The following LRRC37A2 variants were observed in gnomAD, a reference collection of about 807,000 sequenced individuals.
LRRC37A2 encodes leucine-rich repeat-containing protein 37A2.
A neutral mutation model predicts 68.8 loss-of-function variants in LRRC37A2; 9 were observed. That is an observed-to-expected ratio of 0.13 (90% CI 0.08 to 0.23). The LOEUF is 0.23. Ranked by LOEUF, LRRC37A2 falls within the 10% of genes least tolerant of loss-of-function variation. The pLI is 1.00. For synonymous variants in LRRC37A2, 63 were observed against 367.6 expected (o/e 0.17, Z 9.48); for missense variants, 168 against 950.4 (o/e 0.18, Z 10.82).
At chr17:46,865,840 A>G in the LRRC37A2 span, among the ~76,000 whole-genome samples, 1 of 152,074 alleles carries the variant, frequency 6.6e-6, no homozygotes, top group Non-Finnish European at 1.5e-5. Context: ...TTGAACTCCT[A>G]GGCTCAAGTG....
the LRRC37A2 span, among the ~76,000 whole-genome samples, chr17:46,980,649 T>C: frequency 2.9e-3 from 273 of 93,244 alleles, no homozygotes; most frequent in South Asian, 5.5e-3. Flanking sequence ...CGTGAAACCC[T>C]GTCTCTACTA....
the LRRC37A2 span, among the ~76,000 whole-genome samples, chr17:47,023,414 C>T: frequency 2.6e-5 from 4 of 152,274 alleles, no homozygotes; most frequent in East Asian, 1.9e-4. Flanking sequence ...ATGCTAGGCA[C>T]GGTGGCTCAC....
At chr17:46,472,896 C>A in the LRRC37A2 span, among the ~76,000 whole-genome samples, 1 of 57,828 alleles carries the variant, frequency 1.7e-5, no homozygotes. Flanking sequence ...GCCTGGGCAA[C>A]AGAGTGAGAC....
the LRRC37A2 span, among the ~76,000 whole-genome samples, chr17:46,622,318 C>T: frequency 2.5e-4 from 37 of 148,302 alleles, 1 homozygote; most frequent in African/African-American, 8.1e-4. Context: ...ATTAGCCAGG[C>T]GTGGTGGTGG....
At chr17:46,541,406 C>T (rs1386210265) in intron 8 of LRRC37A2, among the ~76,000 whole-genome samples, 2 of 148,048 alleles carry the variant, frequency 1.4e-5, no homozygotes, top group Non-Finnish European at 2.9e-5. Context: ...CGCATGCCAC[C>T]ACACCTGGCT....
At chr17:46,841,892 GGT>G in the LRRC37A2 span, among the ~76,000 whole-genome samples, 225 of 152,342 alleles carry the variant, frequency 1.5e-3, no homozygotes, top group African/African-American at 5.3e-3. Flanking sequence ...GCTCCTCTGC[GGT>G]GTGTGGGGGG....
At chr17:46,763,405 G>C in the LRRC37A2 span, 1 of 152,186 alleles carries the variant, frequency 6.6e-6, no homozygotes, top group Non-Finnish European at 1.5e-5. Flanking sequence ...TTCTAATCCA[G>C]ATCCTTGGGA....
At chr17:46,851,643 G>A in the LRRC37A2 span, 1 of 1,275,760 alleles carries the variant, frequency 7.8e-7, no homozygotes, top group Non-Finnish European at 9.8e-7. The surrounding 1 kb of genome is among the most constrained non-coding windows in gnomAD (Gnocchi z 4.3). Context: ...AGCACCATGC[G>A]CCCCCCGCCC....
the LRRC37A2 span, among the ~76,000 whole-genome samples, chr17:47,026,605 T>G: frequency 2.9e-4 from 44 of 152,180 alleles, 1 homozygote; most frequent in African/African-American, 9.9e-4. Flanking sequence ...AGACTAGAGA[T>G]GGAGACATCA....
At chr17:46,759,940 C>T in the LRRC37A2 span, among the ~76,000 whole-genome samples, 1 of 152,180 alleles carries the variant, frequency 6.6e-6, no homozygotes, top group African/African-American at 2.4e-5. Flanking sequence ...ACTACATGTT[C>T]AAGCACAGCT....
intron 6 of LRRC37A2, among the ~76,000 whole-genome samples, chr17:46,525,602 T>TAATA (rs1346950818): frequency 0.028 from 2,844 of 100,620 alleles, 79 homozygotes; most frequent in African/African-American, 0.059. Context: ...ATAATAATAA[T>TAATA]ATAATAATAA....
chr17:47,023,545 G>C, the LRRC37A2 span, among the ~76,000 whole-genome samples: 1 of 152,196 alleles, frequency 6.6e-6, no homozygotes, highest in Non-Finnish European at 1.5e-5. Flanking sequence ...GCCAGGTGTG[G>C]TGGTGGGTGC....
chr17:46,498,945 T>C, the LRRC37A2 span, among the ~76,000 whole-genome samples: 1 of 150,744 alleles, frequency 6.6e-6, no homozygotes. Context: ...TAATGGTAGC[T>C]ATTTTATGGA....
chr17:46,771,893 T>TGCCCCC, the LRRC37A2 span, among the ~76,000 whole-genome samples: 45 of 103,398 alleles, frequency 4.4e-4, no homozygotes, highest in Non-Finnish European at 6.3e-4. Context: ...CCCCCGCCCC[T>TGCCCCC]GCCCCCGCCC....
the LRRC37A2 span, chr17:46,939,819 G>T: frequency 3.0e-6 from 3 of 987,728 alleles, no homozygotes; most frequent in Non-Finnish European, 3.6e-6. Flanking sequence ...ACTAATACCA[G>T]GTATATTGTG....
chr17:47,001,719 T>G, the LRRC37A2 span, among the ~76,000 whole-genome samples: 3 of 102,902 alleles, frequency 2.9e-5, no homozygotes, highest in Non-Finnish European at 6.0e-5. Flanking sequence ...CTTTTTTCCT[T>G]TTTTTTTTTT....
chr17:46,717,483 T>C, the LRRC37A2 span, among the ~76,000 whole-genome samples: 79 of 152,138 alleles, frequency 5.2e-4, 1 homozygote, highest in African/African-American at 1.9e-3. Flanking sequence ...GAGGCTGAGG[T>C]GGGGGGATCA....
chr17:46,776,751 G>A, the LRRC37A2 span, among the ~76,000 whole-genome samples: 1 of 152,158 alleles, frequency 6.6e-6, no homozygotes, highest in Admixed American at 6.5e-5. Context: ...CAAGACCCAG[G>A]GAAGAAGCCT....
chr17:46,938,778 G>T, the LRRC37A2 span: 68 of 1,613,462 alleles, frequency 4.2e-5, no homozygotes, highest in Admixed American at 1.1e-3. Context: ...ACGCTCAGTG[G>T]CTGAACAGCA....
Sources: allele counts gnomAD v4.1 joint callset (sites outside exome capture counted in the v4.1 genomes callset), GRCh38; gene constraint gnomAD v4.1.1; non-coding constraint Gnocchi (gnomAD v3.1); transcripts MANE v1.5; gene names NCBI Gene and HGNC (gene_info 2026-07-23, HGNC 2026-07-21).